SORBS3: variants seen among roughly 807,000 people sequenced by gnomAD.
SORBS3 encodes the protein vinexin.
A neutral mutation model predicts 98.0 loss-of-function variants in SORBS3; 69 were observed. The ratio of observed to expected loss-of-function variants is 0.70; its 90% CI spans 0.58 to 0.86. The LOEUF is 0.86. SORBS3 is among the 40% of genes least tolerant of loss of function. The pLI is 0.00. For missense variants in SORBS3, 954 were observed against 908.5 expected, an observed-to-expected ratio of 1.05 and a Z score of -0.64; for synonymous variants, 394 against 355.4, an observed-to-expected ratio of 1.11 and a Z score of -1.22.
chr8:22,564,437 C>A (rs544909666), intron 9 of SORBS3, 31 bp from the exon 10 acceptor site: 2 of 1,614,074 alleles, frequency 1.2e-6, no homozygotes, highest in Non-Finnish European at 1.7e-6. Flanking sequence ...AGTGAGTTCA[C>A]CTGCTCTGAC....
In SORBS3 at chr8:22,558,211, G is replaced by A. The variant is rs374950922; in HGVS notation, c.478+19G>A. 8.7e-6 allele frequency: 14 copies of A among 1,612,664 alleles called. No individual in the cohort carries two copies. Among genetic ancestry groups the A allele is most frequent in the Non-Finnish European group, 1.2e-5 (14 of 1,178,776 alleles). On this transcript the variant is annotated intron_variant, in intron 5 of 20. Coordinates refer to ENST00000240123, the MANE Select transcript of SORBS3 (RefSeq NM_005775.5). ...ATGCCAGGTAAGATACCCTTCCAGG[G>A]CCCTCTCCCTGCCAAAGTGGATTCT...
chr8:22,560,413 A>AGT (rs1470062593), intron 5 of SORBS3, among the ~76,000 whole-genome samples: 1 of 152,300 alleles, frequency 6.6e-6, no homozygotes, highest in East Asian at 1.9e-4. Flanking sequence ...GATGCTTAGA[A>AGT]GTTTGAGAGA....
At chr8:22,550,009 G>T (rs557854245), upstream of SORBS3, 11 of 985,472 alleles carry the variant, frequency 1.1e-5, 1 homozygote, top group South Asian at 4.2e-4. Context: ...GGAGAAGAAG[G>T]AAGAAAGTGA....
intron 20 of SORBS3, chr8:22,573,335 C>T (rs925962542): frequency 2.2e-5 from 10 of 455,900 alleles, no homozygotes; most frequent in Non-Finnish European, 4.4e-5. Flanking sequence ...GTTTTGCAAA[C>T]CTATGCAGAC....
At position 22,566,338 on chromosome 8, in the gene SORBS3, C is replaced by T. The variant is rs779297377; in HGVS notation, c.951-7C>T. 2.5e-6 allele frequency: 4 copies of T among 1,612,310 alleles called. No homozygotes were observed. The highest frequency in any genetic ancestry group is 1.1e-5 in the South Asian group (1 of 90,950). On this transcript the variant is annotated splice_region_variant and splice_polypyrimidine_tract_variant and intron_variant, in intron 12 of 20. Coordinates refer to ENST00000240123, the MANE Select transcript of SORBS3 (RefSeq NM_005775.5). The stretch of plus-strand genomic sequence containing the variant: ...GGCTGGAGGCTCAGTCTCTGTGCCC[C>T]GTGCAGCCCGGCCTCAGCCTGGAGC...
chr8:22,561,892 G>A lies in SORBS3; in HGVS notation c.545G>A (p.Arg182Lys), dbSNP rs762454878. ...RDPRHLGAQQ[R>K]PAHRPGPATS... ...CCCAGGCATCTAGGAGCCCAGCAAA[G>A]ACCTGCCCACAGGCCCGGCCCGGCA... The change falls in exon 7 of 21, where the codon AGA becomes AAA. Residue 182 changes from arginine to lysine, a missense_variant. By Grantham distance (26) the Arg-to-Lys change is conservative (BLOSUM62 2). Coordinates refer to ENST00000240123, the MANE Select transcript of SORBS3 (RefSeq NM_005775.5). 2 of 1,614,104 alleles carry A rather than the reference G, an allele frequency of 1.2e-6. No individual in the cohort carries two copies. Among genetic ancestry groups the A allele is most frequent in the South Asian group, 2.2e-5 (2 of 91,092 alleles).
chr8:22,564,229 GCCA>G, intron 8 of SORBS3, 51 bp from the exon 9 acceptor site: 1 of 1,530,518 alleles, frequency 6.5e-7, no homozygotes, highest in Non-Finnish European at 8.9e-7. Flanking sequence ...TTTGAGCCTG[GCCA>G]GTGTCCCAGT....
chr8:22,564,756 C>T, intron 10 of SORBS3: 1 of 1,413,006 alleles, frequency 7.1e-7, no homozygotes, highest in Non-Finnish European at 9.2e-7. Flanking sequence ...AGGGAGTGGT[C>T]AGTGCGCACT....
chr8:22,555,966 G>A (rs936147417), intron 3 of SORBS3, among the ~76,000 whole-genome samples: 6 of 152,182 alleles, frequency 3.9e-5, no homozygotes, highest in Admixed American at 1.3e-4. Context: ...TTAACCCCTC[G>A]ATATCCTGAC....
rs1486333218 is a variant in SORBS3 at position 22,567,148 on chromosome 8, G to A, written c.1278G>A (p.Leu426=). Residue 426 remains leucine, a synonymous_variant, in exon 16 of 21, where the codon CTG becomes CTA. Coordinates refer to ENST00000240123, the MANE Select transcript of SORBS3 (RefSeq NM_005775.5). ...NWLEGEHHGR[L]GIFPANYVEV... is the part of the protein sequence containing the mutation. Reference sequence around the variant, plus strand: ...TGGAGGGAGAGCACCACGGCCGCCTGGGCATCTTCCCTGCTAATTATGTGG... The same window carrying A: ...TGGAGGGAGAGCACCACGGCCGCCTAGGCATCTTCCCTGCTAATTATGTGG... 3.7e-6 allele frequency: 6 copies of A among 1,613,006 alleles called. No homozygotes were observed. The highest frequency in any genetic ancestry group is 3.4e-6 in the Non-Finnish European group (4 of 1,179,488).
At chr8:22,551,312 G>A (rs895943698), upstream of SORBS3, among the ~76,000 whole-genome samples, 1 of 148,610 alleles carries the variant, frequency 6.7e-6, no homozygotes, top group Non-Finnish European at 1.5e-5. This position sits in a 1 kb window ranked among gnomAD's most constrained non-coding sequence, Gnocchi z 5.8. Context: ...CCCCCAGCGC[G>A]GAGGGGCGGC....
chr8:22,563,118 CAA>C (rs397956699), intron 7 of SORBS3, among the ~76,000 whole-genome samples: 1 of 135,158 alleles, frequency 7.4e-6, no homozygotes, highest in Non-Finnish European at 1.6e-5. Flanking sequence ...GACTCCGTAT[CAA>C]AAAAAAAAAA....
At position 22,566,330 on chromosome 8, in the gene SORBS3, C is replaced by G. The variant is rs777962155; in HGVS notation, c.951-15C>G. 5.0e-6 allele frequency: 8 copies of G among 1,611,426 alleles called. No homozygotes were observed. The South Asian group carries it at 8.8e-5, about 18-fold the overall frequency. On this transcript the variant is annotated splice_polypyrimidine_tract_variant and intron_variant, in intron 12 of 20. Transcript: ENST00000240123. Reference sequence around the variant, plus strand: ...GAGCCCCAGGCTGGAGGCTCAGTCTCTGTGCCCCGTGCAGCCCGGCCTCAG... The same window carrying G: ...GAGCCCCAGGCTGGAGGCTCAGTCTGTGTGCCCCGTGCAGCCCGGCCTCAG...
chr8:22,553,372 G>C (rs921520237), intron 1 of SORBS3, among the ~76,000 whole-genome samples: 4 of 152,242 alleles, frequency 2.6e-5, no homozygotes, highest in African/African-American at 7.2e-5. Flanking sequence ...CCAGTCCTGG[G>C]CAGTGGCAGA....
chr8:22,573,498 T>G (rs1840643940), intron 20 of SORBS3: 1 of 445,502 alleles, frequency 2.2e-6, no homozygotes. Context: ...AGTTCCTCAG[T>G]TGCACAGGCA....
intron 20 of SORBS3, among the ~76,000 whole-genome samples, chr8:22,574,014 C>T (rs181657545): frequency 3.8e-4 from 58 of 152,266 alleles, no homozygotes; most frequent in African/African-American, 1.3e-3. Context: ...GCAACCCCGG[C>T]CTGGGTCCCC....
Position 22,554,663 on chromosome 8 carries a change from G to A in SORBS3, c.102+55G>A, listed in dbSNP as rs759989340. 2.6e-5 allele frequency: 40 copies of A among 1,540,662 alleles called. No homozygotes were observed. Among genetic ancestry groups the A allele is most frequent in the South Asian group, 9.6e-5 (8 of 83,442 alleles). On this transcript the variant is annotated intron_variant, in intron 2 of 20. Coordinates refer to ENST00000240123, the MANE Select transcript of SORBS3 (RefSeq NM_005775.5). The surrounding 1 kb of genome is among the most constrained non-coding windows in gnomAD (Gnocchi z 6.5). ...CTGCGGGCCCGGAGTTGGTTGGGAC[G>A]CTAGCAGGTCAGGTGGGGGCAGGAG...
At position 22,554,320 on chromosome 8, in the gene SORBS3, C is replaced by T; in HGVS notation, c.-55-132C>T. On this transcript the variant is annotated intron_variant, in intron 1 of 20. Coordinates refer to ENST00000240123, the MANE Select transcript of SORBS3 (RefSeq NM_005775.5). The surrounding 1 kb of genome is among the most constrained non-coding windows in gnomAD (Gnocchi z 6.5). ...CCTGGCGTGGCCTGTTTCCTGGGTC[C>T]TTGAGCTAGTACCCAGCTGGTCCTG... 1.0e-6 allele frequency: 1 copy of T among 960,394 alleles called. No homozygotes were observed. The highest frequency in any genetic ancestry group is 1.5e-6 in the Non-Finnish European group (1 of 681,898). 59.5% of individuals were successfully genotyped at this position (960,394 alleles called of 1,614,324 possible). A position where few individuals can be genotyped will look rare whatever the true frequency, so the allele number is the denominator to read the frequency against.
At chr8:22,567,696 T>G (rs1840461917) in intron 16 of SORBS3, among the ~76,000 whole-genome samples, 1 of 152,236 alleles carries the variant, frequency 6.6e-6, no homozygotes, top group Non-Finnish European at 1.5e-5. Flanking sequence ...AGACAGGTTC[T>G]GGGCTTGACA....
Sources: gnomAD v4.1 joint callset for allele counts (sites outside exome capture counted in the v4.1 genomes callset) on GRCh38, gnomAD v4.1.1 for gene constraint, Gnocchi (gnomAD v3.1) non-coding constraint, MANE v1.5 for transcripts, NCBI Gene and HGNC (gene_info 2026-07-23, HGNC 2026-07-21) for gene names.